Variants in TTC7B observed in about 807,000 individuals in gnomAD.
The protein encoded by TTC7B is tetratricopeptide repeat domain 7B.
A neutral mutation model predicts 106.8 loss-of-function variants in TTC7B; 28 were observed. The ratio of observed to expected loss-of-function variants is 0.26; its 90% CI spans 0.19 to 0.36. The LOEUF is 0.36. Ranked by LOEUF, TTC7B falls within the 10% of genes least tolerant of loss-of-function variation. The pLI, the probability that TTC7B is intolerant of heterozygous loss-of-function variation, is 1.00. For missense variants in TTC7B, 862 were observed against 1,076.4 expected, an observed-to-expected ratio of 0.80 and a Z score of 2.79; for synonymous variants, 405 against 430.6, an observed-to-expected ratio of 0.94 and a Z score of 0.74.
Position 90,533,262 on chromosome 14 carries a change from G to A in TTC7B, c.*8106C>T, listed in dbSNP as rs947487022. ...TCCTCAGGCCTTGGCTGGACCCAGG[G>A]CCCGAGGATGACCCTGTGGGGTCAA... On this transcript the variant is annotated 3_prime_UTR_variant, in exon 20 of 20. Coordinates refer to ENST00000328459, the MANE Select transcript of TTC7B (RefSeq NM_001010854.2). The A allele has an allele frequency of 3.3e-5, 5 of 152,310 alleles. No homozygotes were observed. The highest frequency in any genetic ancestry group is 7.3e-5 in the Non-Finnish European group (5 of 68,134). 9.4% of individuals were successfully genotyped at this position (152,310 alleles called of 1,614,324 possible).
Position 90,570,214 on chromosome 14 carries a change from T to C in TTC7B, c.2310+7892A>G, listed in dbSNP as rs149151259. Among the ~76,000 whole-genome samples the C allele has an allele frequency of 6.6e-6, 1 of 152,232 alleles. No individual in the cohort carries two copies. The highest frequency in any genetic ancestry group is 1.5e-5 in the Non-Finnish European group (1 of 68,034). ...CTTGTAATACACTGACATCCCACTG[T>C]GCTGGAGTGTTCCATTAATCAGCCT... On this transcript the variant is annotated intron_variant, in intron 19 of 19. Transcript: ENST00000328459. This position sits in a 1 kb window ranked among gnomAD's most constrained non-coding sequence, Gnocchi z 4.0.
intron 18 of TTC7B, among the ~76,000 whole-genome samples, chr14:90,580,740 C>G (rs1891454084): frequency 6.6e-6 from 1 of 152,224 alleles, no homozygotes; most frequent in South Asian, 2.1e-4. Context: ...AGGGAGCTCT[C>G]TGACCACCCG....
intron 15 of TTC7B, among the ~76,000 whole-genome samples, chr14:90,628,162 C>T (rs1275634642): frequency 6.6e-6 from 1 of 152,210 alleles, no homozygotes; most frequent in Non-Finnish European, 1.5e-5. Flanking sequence ...GCCTCTGGAA[C>T]AGGAAGTGTC....
chr14:90,658,273 T>TA (rs1566822411), intron 10 of TTC7B, 31 bp downstream of exon 10: 16 of 1,597,592 alleles, frequency 1.0e-5, no homozygotes, highest in Non-Finnish European at 1.4e-5. Context: ...AGGAAAGGCA[T>TA]AAAAAACTGC....
intron 19 of TTC7B, among the ~76,000 whole-genome samples, chr14:90,550,846 C>A (rs1229283665): frequency 6.6e-6 from 1 of 152,072 alleles, no homozygotes; most frequent in Non-Finnish European, 1.5e-5. Context: ...GTGTGGGATG[C>A]TGTGGGGTAG....
At chr14:90,791,889 C>T (rs571512249) in intron 1 of TTC7B, among the ~76,000 whole-genome samples, 1 of 152,214 alleles carries the variant, frequency 6.6e-6, no homozygotes, top group South Asian at 2.1e-4. Flanking sequence ...GATCTACTTT[C>T]TAAGTCACTG....
At chr14:90,645,965 T>C (rs1885428895) in intron 14 of TTC7B, among the ~76,000 whole-genome samples, 2 of 152,142 alleles carry the variant, frequency 1.3e-5, no homozygotes, top group Non-Finnish European at 1.5e-5. Flanking sequence ...CAAGGCTTCA[T>C]GGAGGAGGCG....
chr14:90,711,442 G>T (rs954300465), intron 5 of TTC7B, among the ~76,000 whole-genome samples: 5 of 152,092 alleles, frequency 3.3e-5, no homozygotes, highest in African/African-American at 1.2e-4. Context: ...TTTTTCTCCC[G>T]ATGGAGTCTC....
At chr14:90,733,455 AAAGACGC>A (rs1170568977) in intron 4 of TTC7B, among the ~76,000 whole-genome samples, 8 of 152,296 alleles carry the variant, frequency 5.3e-5, no homozygotes, top group African/African-American at 1.9e-4. Context: ...GGAGAATGGG[AAAGACGC>A]AAGAGAAGCC....
intron 18 of TTC7B, among the ~76,000 whole-genome samples, chr14:90,591,623 AG>A (rs1213461792): frequency 6.6e-6 from 1 of 152,238 alleles, no homozygotes; most frequent in African/African-American, 2.4e-5. Context: ...GATGGCCTTC[AG>A]CCCTTCTAGT....
chr14:90,598,092 C>CT (rs2139826983), intron 17 of TTC7B, among the ~76,000 whole-genome samples: 1 of 152,364 alleles, frequency 6.6e-6, no homozygotes, highest in African/African-American at 2.4e-5. Flanking sequence ...GCCCACAGGA[C>CT]TGTGTGCTGC....
At chr14:90,667,686 T>C (rs1222144129) in intron 9 of TTC7B, among the ~76,000 whole-genome samples, 1 of 152,240 alleles carries the variant, frequency 6.6e-6, no homozygotes, top group East Asian at 1.9e-4. Context: ...CTAAAATATT[T>C]AGCATCTGAC....
intron 5 of TTC7B, among the ~76,000 whole-genome samples, chr14:90,722,398 G>C (rs1035321258): frequency 2.0e-5 from 3 of 152,072 alleles, no homozygotes; most frequent in Non-Finnish European, 2.9e-5. Context: ...CTAGATTCCT[G>C]GTGGCCAAAT....
chr14:90,637,404 AC>A (rs71117366), intron 15 of TTC7B, among the ~76,000 whole-genome samples: 135,092 of 151,164 alleles, frequency 0.89, 60,352 homozygotes, highest in African/African-American at 0.91. Context: ...ACAGAGAAAA[AC>A]CCCCCCCCAG....
At chr14:90,563,692 G>T (rs910559319) in intron 19 of TTC7B, among the ~76,000 whole-genome samples, 3 of 152,226 alleles carry the variant, frequency 2.0e-5, no homozygotes, top group Non-Finnish European at 4.4e-5. Flanking sequence ...ACCTACAGCA[G>T]AACTTCTTTC....
At chr14:90,643,935 T>G in intron 15 of TTC7B, 113 bp downstream of exon 15, 1 of 1,285,644 alleles carries the variant, frequency 7.8e-7, no homozygotes, top group East Asian at 2.3e-5. Context: ...GATTTTATAT[T>G]ATTGACTGCC....
At chr14:90,706,160 AATTTT>A (rs1186503264) in intron 5 of TTC7B, among the ~76,000 whole-genome samples, 3 of 113,594 alleles carry the variant, frequency 2.6e-5, no homozygotes, top group Non-Finnish European at 5.2e-5. Flanking sequence ...TAGCTGGAAT[AATTTT>A]TTTTTTTTTT....
intron 7 of TTC7B, among the ~76,000 whole-genome samples, chr14:90,685,385 C>A (rs1211912644): frequency 6.6e-6 from 1 of 152,258 alleles, no homozygotes; most frequent in South Asian, 2.1e-4. Context: ...AACCTCCAAA[C>A]AAGAATAACT....
intron 19 of TTC7B, among the ~76,000 whole-genome samples, chr14:90,551,833 G>A (rs754682739): frequency 5.3e-5 from 8 of 152,198 alleles, no homozygotes; most frequent in Admixed American, 1.3e-4. Context: ...TTTTGTGGGT[G>A]CAGCTGAGGG....
Sources: gnomAD v4.1 joint callset for allele counts (sites outside exome capture counted in the v4.1 genomes callset) on GRCh38, gnomAD v4.1.1 for gene constraint, Gnocchi (gnomAD v3.1) non-coding constraint, MANE v1.5 for transcripts, NCBI Gene and HGNC (gene_info 2026-07-23, HGNC 2026-07-21) for gene names.